RPS6KC1: variants seen among roughly 807,000 people sequenced by gnomAD.
RPS6KC1 encodes inactive ribosomal protein S6 kinase delta-1.
Under a neutral mutation model 103.8 loss-of-function variants are expected in RPS6KC1, and 54 were observed. The ratio of observed to expected loss-of-function variants is 0.52; its 90% CI spans 0.42 to 0.65. RPS6KC1 has a LOEUF of 0.65. Among genes scored for constraint, RPS6KC1 ranks in the 30% least tolerant of loss-of-function variants. The pLI, the probability that RPS6KC1 is intolerant of heterozygous loss-of-function variation, is 0.00. For synonymous variants in RPS6KC1, 439 were observed against 438.7 expected, an observed-to-expected ratio of 1.00 and a Z score of -0.01; for missense variants, 1,151 against 1,253.8, an observed-to-expected ratio of 0.92 and a Z score of 1.24.
the RPS6KC1 span, among the ~76,000 whole-genome samples, chr1:213,759,640 C>T: frequency 6.6e-6 from 1 of 152,180 alleles, no homozygotes; most frequent in African/African-American, 2.4e-5. Flanking sequence ...TGTCCTCAGC[C>T]CCCAGTACTC....
chr1:213,628,693 C>A, the RPS6KC1 span, among the ~76,000 whole-genome samples: 1 of 152,006 alleles, frequency 6.6e-6, no homozygotes, highest in Non-Finnish European at 1.5e-5. Context: ...AGTTTTAGAT[C>A]TTTCCTGCTT....
At chr1:213,600,733 A>G in the RPS6KC1 span, among the ~76,000 whole-genome samples, 1 of 152,216 alleles carries the variant, frequency 6.6e-6, no homozygotes, top group Non-Finnish European at 1.5e-5. Context: ...CTTTGACTTG[A>G]ATTTCTCATA....
In RPS6KC1 at chr1:213,117,427, T is replaced by G. The variant is rs747966214; in HGVS notation, c.472+17T>G. On this transcript the variant is annotated intron_variant, in intron 5 of 14. Coordinates refer to ENST00000366960, the MANE Select transcript of RPS6KC1 (RefSeq NM_012424.6). ...GTACGGAAGGTAAGAGATTTTAATT[T>G]TTTTGCATTTCAAAGGTTTGGATTA... 3.3e-6 allele frequency: 5 copies of G among 1,501,332 alleles called. No homozygotes were observed. Among genetic ancestry groups the G allele is most frequent in the Admixed American group, 1.8e-5 (1 of 57,068 alleles). 93.0% of individuals were successfully genotyped at this position (1,501,332 alleles called of 1,614,324 possible). A position where few individuals can be genotyped will look rare whatever the true frequency, so the allele number is the denominator to read the frequency against.
At chr1:213,189,231 T>A (rs535442159) in intron 8 of RPS6KC1, among the ~76,000 whole-genome samples, 23 of 152,182 alleles carry the variant, frequency 1.5e-4, no homozygotes, top group Admixed American at 3.9e-4. Context: ...GGTGGATCAC[T>A]TGAGGTCAGG....
At chr1:213,692,323 A>G in the RPS6KC1 span, among the ~76,000 whole-genome samples, 3 of 150,216 alleles carry the variant, frequency 2.0e-5, no homozygotes, top group Non-Finnish European at 4.4e-5. Context: ...TGAACACAGG[A>G]GGTGGAGGTT....
chr1:213,842,474 T>A, the RPS6KC1 span, among the ~76,000 whole-genome samples: 1 of 152,302 alleles, frequency 6.6e-6, no homozygotes, highest in Admixed American at 6.5e-5. Context: ...TTATTTTATT[T>A]TGACTTGTCA....
At chr1:213,150,167 T>TA (rs2147880399) in intron 6 of RPS6KC1, among the ~76,000 whole-genome samples, 1 of 152,184 alleles carries the variant, frequency 6.6e-6, no homozygotes, top group South Asian at 2.1e-4. Context: ...AGTAAGGACT[T>TA]ACACCATTTT....
chr1:213,851,544 C>T, the RPS6KC1 span, among the ~76,000 whole-genome samples: 4 of 152,088 alleles, frequency 2.6e-5, no homozygotes, highest in Admixed American at 1.3e-4. Context: ...ACACGTTGAG[C>T]GAGATTGCCC....
chr1:213,666,821 C>T, the RPS6KC1 span, among the ~76,000 whole-genome samples: 1 of 152,234 alleles, frequency 6.6e-6, no homozygotes, highest in East Asian at 1.9e-4. Context: ...TTCATAAGGG[C>T]ACCAGCAACA....
At chr1:213,208,761 A>G (rs1450731971) in intron 8 of RPS6KC1, among the ~76,000 whole-genome samples, 3 of 151,592 alleles carry the variant, frequency 2.0e-5, no homozygotes, top group Admixed American at 1.3e-4. Flanking sequence ...TCCCACCTTT[A>G]GCTGTTTGTA....
At chr1:213,538,891 T>C in the RPS6KC1 span, among the ~76,000 whole-genome samples, 1 of 152,170 alleles carries the variant, frequency 6.6e-6, no homozygotes, top group Non-Finnish European at 1.5e-5. Flanking sequence ...AGGATTGTAG[T>C]TTACAGTATG....
At chr1:213,413,243 A>T in the RPS6KC1 span, among the ~76,000 whole-genome samples, 5 of 152,262 alleles carry the variant, frequency 3.3e-5, no homozygotes, top group Non-Finnish European at 7.3e-5. Flanking sequence ...CACTTCAAGC[A>T]TTTATGATTT....
chr1:213,833,561 C>A, the RPS6KC1 span, among the ~76,000 whole-genome samples: 1 of 152,286 alleles, frequency 6.6e-6, no homozygotes, highest in Non-Finnish European at 1.5e-5. Context: ...TCATCCTCCA[C>A]ATCTTGGCTC....
chr1:213,358,341 T>C, the RPS6KC1 span, among the ~76,000 whole-genome samples: 19 of 152,346 alleles, frequency 1.2e-4, no homozygotes, highest in East Asian at 3.3e-3. Flanking sequence ...GAGATTCAAC[T>C]TCTTCCTGGT....
the RPS6KC1 span, among the ~76,000 whole-genome samples, chr1:213,685,744 G>A: frequency 6.6e-6 from 1 of 152,010 alleles, no homozygotes; most frequent in Non-Finnish European, 1.5e-5. Context: ...TAAAATGCTA[G>A]TTATTCCAAT....
chr1:213,086,704 C>T (rs1326193258), intron 3 of RPS6KC1, among the ~76,000 whole-genome samples: 1 of 152,122 alleles, frequency 6.6e-6, no homozygotes, highest in Non-Finnish European at 1.5e-5. Flanking sequence ...ATGCTTCTTG[C>T]AACTTACATC....
the RPS6KC1 span, among the ~76,000 whole-genome samples, chr1:213,464,670 T>A: frequency 6.6e-6 from 1 of 152,192 alleles, no homozygotes; most frequent in African/African-American, 2.4e-5. Context: ...TTCTATCCCA[T>A]GCAGTTAAGG....
chr1:213,816,662 T>C, the RPS6KC1 span, among the ~76,000 whole-genome samples: 2 of 152,118 alleles, frequency 1.3e-5, no homozygotes, highest in Non-Finnish European at 2.9e-5. Flanking sequence ...CAGCCCCCTG[T>C]TCCTGGACCT....
the RPS6KC1 span, chr1:213,840,728 C>T: frequency 2.0e-5 from 3 of 152,102 alleles, no homozygotes; most frequent in African/African-American, 7.2e-5. Context: ...AAAAATCTCC[C>T]CTGAGTCAGT....
Sources: gnomAD v4.1 joint callset for allele counts (sites outside exome capture counted in the v4.1 genomes callset) on GRCh38, gnomAD v4.1.1 for gene constraint, MANE v1.5 for transcripts, NCBI Gene and HGNC (gene_info 2026-07-23, HGNC 2026-07-21) for gene names.